Variants in GDPD4 observed in about 807,000 individuals in gnomAD.
The protein encoded by GDPD4 is glycerophosphodiester phosphodiesterase 6.
Under a neutral mutation model 67.8 loss-of-function variants are expected in GDPD4, and 60 were observed. The ratio of observed to expected loss-of-function variants is 0.88; its 90% CI spans 0.72 to 1.10. The LOEUF (loss-of-function observed/expected upper bound fraction) is 1.10, where lower values mean the gene tolerates loss of function less well. Among genes scored for constraint, GDPD4 ranks in the 50% least tolerant of loss-of-function variants. The pLI is 0.00. For synonymous variants in GDPD4, 212 were observed against 210.9 expected (o/e 1.00, Z -0.04); for missense variants, 623 against 613.9 (o/e 1.01, Z -0.16).
intron 1 of GDPD4, among the ~76,000 whole-genome samples, chr11:77,299,235 T>C (rs1381952448): frequency 6.6e-6 from 1 of 152,152 alleles, no homozygotes; most frequent in Admixed American, 6.5e-5. Flanking sequence ...ATTATAAGAA[T>C]TAGGTATTCT....
At position 77,271,322 on chromosome 11, in the gene GDPD4, CCTTT is replaced by C. The variant is rs769154852; in HGVS notation, c.275_278del (p.Glu92GlyfsTer4). On this transcript the variant is annotated frameshift_variant, in exon 6 of 17. Coordinates refer to ENST00000315938, the MANE Select transcript of GDPD4 (RefSeq NM_182833.3). LOFTEE classifies it high-confidence loss of function. ...GCATTGACAGCCCAGCTACCAGCCA[CCTTT>C]CTTTCCAGAATTTGCATATAATGAA... 9.9e-6 allele frequency: 16 copies of C among 1,613,654 alleles called. No homozygotes were observed. Among genetic ancestry groups the C allele is most frequent in the Non-Finnish European group, 1.3e-5 (15 of 1,179,698 alleles).
intron 16 of GDPD4, among the ~76,000 whole-genome samples, 164 bp from the exon 17 acceptor site, chr11:77,217,478 T>C (rs1203832758): frequency 6.6e-6 from 1 of 151,216 alleles, no homozygotes; most frequent in African/African-American, 2.4e-5. Flanking sequence ...CAAACTTTAT[T>C]ATGGCCCTCC....
At chr11:77,258,648 G>C (rs546475433) in intron 10 of GDPD4, 106 bp from the exon 11 acceptor site, 1 of 941,656 alleles carries the variant, frequency 1.1e-6, no homozygotes, top group African/African-American at 1.6e-5. Flanking sequence ...TGTCACTAGG[G>C]CTCCTTACTC....
chr11:77,283,306 T>C (rs1959842313), intron 3 of GDPD4, among the ~76,000 whole-genome samples: 1 of 152,210 alleles, frequency 6.6e-6, no homozygotes, highest in Admixed American at 6.5e-5. Flanking sequence ...CACTGTCTAA[T>C]GAAAGTAATA....
At chr11:77,266,527 A>G (rs1959178902) in intron 10 of GDPD4, among the ~76,000 whole-genome samples, 1 of 152,194 alleles carries the variant, frequency 6.6e-6, no homozygotes, top group Admixed American at 6.6e-5. Flanking sequence ...ACATTCTATT[A>G]TATATTTAAA....
chr11:77,275,707 T>C (rs1199892360), intron 5 of GDPD4, among the ~76,000 whole-genome samples: 2 of 152,208 alleles, frequency 1.3e-5, no homozygotes, highest in Non-Finnish European at 1.5e-5. Context: ...TCTGCCGCTA[T>C]GGGCTTCAGG....
chr11:77,280,721 C>A (rs1025381698), intron 3 of GDPD4, among the ~76,000 whole-genome samples: 1 of 152,168 alleles, frequency 6.6e-6, no homozygotes, highest in African/African-American at 2.4e-5. Context: ...GTTCCCACCC[C>A]CCAGCTATGG....
chr11:77,267,442 G>C (rs973260395), intron 10 of GDPD4, among the ~76,000 whole-genome samples: 1 of 152,204 alleles, frequency 6.6e-6, no homozygotes, highest in South Asian at 2.1e-4. Flanking sequence ...GAACATATGA[G>C]TGACTCAATT....
chr11:77,238,362 T>A (rs1958601313), intron 13 of GDPD4, among the ~76,000 whole-genome samples: 1 of 152,122 alleles, frequency 6.6e-6, no homozygotes, highest in Admixed American at 6.5e-5. Context: ...GGTGGGTGGA[T>A]CACCTGAGGT....
chr11:77,257,603 T>C (rs1045818114), intron 11 of GDPD4, among the ~76,000 whole-genome samples: 12 of 145,560 alleles, frequency 8.2e-5, no homozygotes, highest in African/African-American at 2.8e-4. Context: ...ACCCTGTTGC[T>C]CCAGGATAAT....
intron 16 of GDPD4, among the ~76,000 whole-genome samples, chr11:77,219,414 G>A (rs1196321757): frequency 6.6e-6 from 1 of 152,134 alleles, no homozygotes; most frequent in Non-Finnish European, 1.5e-5. Flanking sequence ...GGCTTTTGTT[G>A]CCATTGCTTT....
intron 10 of GDPD4, among the ~76,000 whole-genome samples, chr11:77,260,425 A>G (rs1959095137): frequency 6.6e-6 from 1 of 152,168 alleles, no homozygotes; most frequent in South Asian, 2.1e-4. Context: ...AGACCAAACT[A>G]GTCTGGAAGT....
At chr11:77,254,553 C>T (rs10899367) in intron 11 of GDPD4, among the ~76,000 whole-genome samples, 127,689 of 152,172 alleles carry the variant, frequency 0.84, 55,596 homozygotes, top group Non-Finnish European at 0.96. Flanking sequence ...TGAGTGGGTT[C>T]TGTCATCCTG....
intron 1 of GDPD4, 38 bp from the exon 2 acceptor site, chr11:77,287,458 C>T (rs750619037): frequency 6.6e-6 from 1 of 152,178 alleles, no homozygotes; most frequent in Non-Finnish European, 1.5e-5. Context: ...TCTAGTGTCG[C>T]TCCCCTTAAT....
chr11:77,255,740 A>G (rs1385383908), intron 11 of GDPD4, among the ~76,000 whole-genome samples: 1 of 151,976 alleles, frequency 6.6e-6, no homozygotes, highest in East Asian at 1.9e-4. Context: ...GCGTAGCTAT[A>G]ATCCCAATTA....
At chr11:77,233,351 T>C (rs193296172) in intron 13 of GDPD4, among the ~76,000 whole-genome samples, 179 bp from the exon 14 acceptor site, 80 of 150,284 alleles carry the variant, frequency 5.3e-4, no homozygotes, top group African/African-American at 1.8e-3. Flanking sequence ...AGATAAAGGA[T>C]TGGATTTAGC....
intron 1 of GDPD4, among the ~76,000 whole-genome samples, chr11:77,300,971 G>C (rs1166303435): frequency 6.6e-6 from 1 of 152,126 alleles, no homozygotes; most frequent in African/African-American, 2.4e-5. Context: ...TAAGCTGCTT[G>C]GATATCGAAT....
At chr11:77,245,130 CT>C (rs1958754715) in intron 12 of GDPD4, 150 bp downstream of exon 12, 1 of 631,726 alleles carries the variant, frequency 1.6e-6, no homozygotes, top group Non-Finnish European at 2.8e-6. Context: ...CCACATGTAG[CT>C]GTATAAGTAA....
chr11:77,277,986 G>A (rs927049461), intron 4 of GDPD4, among the ~76,000 whole-genome samples: 51 of 150,704 alleles, frequency 3.4e-4, no homozygotes, highest in African/African-American at 1.1e-3. Context: ...CCTTCATTTC[G>A]TTATGTACCC....
Sources: allele counts gnomAD v4.1 joint callset (sites outside exome capture counted in the v4.1 genomes callset), GRCh38; gene constraint gnomAD v4.1.1; transcripts MANE v1.5; gene names NCBI Gene and HGNC (gene_info 2026-07-23, HGNC 2026-07-21).